DOK5: variants seen among roughly 807,000 people sequenced by gnomAD.
The protein encoded by DOK5 is docking protein 5.
DOK5 carries 27 observed loss-of-function variants against 43.3 expected under a neutral mutation model. The observed-to-expected ratio is 0.62, with a 90% CI of 0.46 to 0.86. The LOEUF is 0.86. Among genes scored for constraint, DOK5 ranks in the 40% least tolerant of loss-of-function variants. The pLI is 0.00. For missense variants in DOK5, 373 were observed against 392.9 expected (o/e 0.95, Z 0.43); for synonymous variants, 146 against 140.1 (o/e 1.04, Z -0.30).
chr20:54,490,872 G>A (rs1360643081), intron 1 of DOK5, among the ~76,000 whole-genome samples: 1 of 152,236 alleles, frequency 6.6e-6, no homozygotes, highest in African/African-American at 2.4e-5. Context: ...ACAGGCGTGA[G>A]CCACCGCGCC....
At chr20:54,551,141 T>A (rs1463968461) in intron 1 of DOK5, among the ~76,000 whole-genome samples, 6 of 152,232 alleles carry the variant, frequency 3.9e-5, no homozygotes, top group African/African-American at 1.4e-4. Context: ...TGCCCTTCCC[T>A]CAGAGGCAGT....
intron 6 of DOK5, among the ~76,000 whole-genome samples, chr20:54,630,392 G>A (rs1315471307): frequency 6.6e-6 from 1 of 152,166 alleles, no homozygotes; most frequent in African/African-American, 2.4e-5. Flanking sequence ...ACCTGTACTC[G>A]GAAGGGGAAG....
intron 2 of DOK5, among the ~76,000 whole-genome samples, chr20:54,560,206 C>T (rs770311238): frequency 2.0e-5 from 3 of 152,162 alleles, no homozygotes; most frequent in Admixed American, 1.3e-4. Flanking sequence ...TTTCCTCTTC[C>T]GATACAGCTG....
intron 5 of DOK5, among the ~76,000 whole-genome samples, chr20:54,607,811 A>T (rs922480550): frequency 6.6e-6 from 1 of 152,060 alleles, no homozygotes; most frequent in Admixed American, 6.6e-5. Flanking sequence ...TGAACCCGGG[A>T]GGTGGAGGTT....
chr20:54,609,979 GTC>G (rs1986591939), intron 5 of DOK5, among the ~76,000 whole-genome samples: 1 of 152,322 alleles, frequency 6.6e-6, no homozygotes, highest in South Asian at 2.1e-4. Flanking sequence ...GAATCTTTCT[GTC>G]TCTCTGCGCT....
intron 1 of DOK5, among the ~76,000 whole-genome samples, chr20:54,503,055 T>C (rs1275302020): frequency 6.6e-6 from 1 of 152,176 alleles, no homozygotes; most frequent in Non-Finnish European, 1.5e-5. Context: ...GGTAAGACTG[T>C]ATATTTGTAT....
At chr20:54,479,697 C>G (rs1231085597) in intron 1 of DOK5, among the ~76,000 whole-genome samples, 1 of 152,140 alleles carries the variant, frequency 6.6e-6, no homozygotes, top group Non-Finnish European at 1.5e-5. Flanking sequence ...CTACCAAGGA[C>G]TTAGCAGCTT....
chr20:54,543,093 G>C (rs1300232948), intron 1 of DOK5, among the ~76,000 whole-genome samples: 2 of 152,148 alleles, frequency 1.3e-5, no homozygotes, highest in Non-Finnish European at 2.9e-5. Flanking sequence ...ACAGAATTTG[G>C]TGACTGATGA....
intron 2 of DOK5, among the ~76,000 whole-genome samples, chr20:54,569,960 G>A (rs1370160865): frequency 1.3e-5 from 2 of 152,144 alleles, no homozygotes; most frequent in Non-Finnish European, 2.9e-5. Flanking sequence ...TAATAAAAGT[G>A]TTTGCTTAAA....
chr20:54,625,768 AC>A (rs1350068638), intron 6 of DOK5, among the ~76,000 whole-genome samples: 5 of 152,192 alleles, frequency 3.3e-5, no homozygotes, highest in Non-Finnish European at 1.5e-5. Flanking sequence ...ATTATTACTG[AC>A]TTGTAGTGGG....
rs182934769 is a variant in DOK5 at position 54,646,557 on chromosome 20, A to G, written c.856+2979A>G. On this transcript the variant is annotated intron_variant, in intron 7 of 7. Transcript: ENST00000262593. ...TATCAGCCACTGCACCCAGCTAGTT[A>G]TGCTTTTTAATAGACAATAAAATAA... 3.7e-3 allele frequency among the ~76,000 whole-genome samples: 564 copies of G among 152,264 alleles called. 5 individuals are homozygous for G. Among genetic ancestry groups the G allele is most frequent in the African/African-American group, 0.013 (539 of 41,560 alleles).
chr20:54,616,781 T>TC (rs1450184810), intron 6 of DOK5, among the ~76,000 whole-genome samples: 2 of 117,930 alleles, frequency 1.7e-5, no homozygotes, highest in African/African-American at 4.9e-5. Flanking sequence ...TTTTTTTTTT[T>TC]TTCTTTTTTT....
chr20:54,598,471 T>C (rs527313367), intron 5 of DOK5, among the ~76,000 whole-genome samples: 3 of 152,180 alleles, frequency 2.0e-5, no homozygotes, highest in Admixed American at 2.0e-4. Flanking sequence ...ATTCTTGCAA[T>C]GTGATTGTGT....
At chr20:54,566,299 T>G (rs960584034) in intron 2 of DOK5, among the ~76,000 whole-genome samples, 7 of 152,114 alleles carry the variant, frequency 4.6e-5, no homozygotes, top group Non-Finnish European at 8.8e-5. Context: ...ATTCCCAGAG[T>G]TTGCATACAT....
chr20:54,634,543 G>A (rs1047562162), intron 6 of DOK5, among the ~76,000 whole-genome samples: 2 of 140,604 alleles, frequency 1.4e-5, no homozygotes, highest in Non-Finnish European at 3.0e-5. Context: ...CCGAGTTCAC[G>A]CCATTCTCTT....
intron 1 of DOK5, among the ~76,000 whole-genome samples, chr20:54,487,864 A>C (rs1982002168): frequency 6.6e-6 from 1 of 152,156 alleles, no homozygotes; most frequent in South Asian, 2.1e-4. Context: ...TACTGCTGTG[A>C]TTAACAGAAA....
intron 6 of DOK5, among the ~76,000 whole-genome samples, chr20:54,641,126 C>T (rs954478100): frequency 6.6e-6 from 1 of 152,086 alleles, no homozygotes; most frequent in Admixed American, 6.5e-5. Context: ...AGCTGCAGAA[C>T]TTTTCTACTA....
intron 1 of DOK5, among the ~76,000 whole-genome samples, chr20:54,539,794 A>G (rs1258447633): frequency 1.3e-5 from 2 of 152,218 alleles, no homozygotes; most frequent in Non-Finnish European, 2.9e-5. Context: ...CCCAATCAAC[A>G]GTTATATTCA....
chr20:54,644,476 G>A (rs927524658), intron 7 of DOK5, among the ~76,000 whole-genome samples: 10 of 151,998 alleles, frequency 6.6e-5, no homozygotes, highest in Admixed American at 4.6e-4. Context: ...AGGCCGAGGC[G>A]GGCGGATCAT....
Sources: gnomAD v4.1 joint callset for allele counts (sites outside exome capture counted in the v4.1 genomes callset) on GRCh38, gnomAD v4.1.1 for gene constraint, MANE v1.5 for transcripts, NCBI Gene and HGNC (gene_info 2026-07-23, HGNC 2026-07-21) for gene names.